The following CDC16 variants were observed in gnomAD, a reference collection of about 807,000 sequenced individuals.
CDC16 encodes the protein cell division cycle 16.
CDC16 carries 34 observed loss-of-function variants against 87.0 expected under a neutral mutation model. The ratio of observed to expected loss-of-function variants is 0.39; its 90% confidence interval spans 0.30 to 0.52. CDC16 has a LOEUF of 0.52. Ranked by LOEUF, CDC16 falls within the 20% of genes least tolerant of loss-of-function variation. The probability of loss-of-function intolerance (pLI) is 0.74; values close to 1 mark genes in which losing one functional copy is unlikely to be tolerated. For missense variants in CDC16, 653 were observed against 751.9 expected, an observed-to-expected ratio of 0.87 and a Z score of 1.54; for synonymous variants, 263 against 260.6, an observed-to-expected ratio of 1.01 and a Z score of -0.09.
At chr13:114,249,961 G>A (rs1235841238) in intron 11 of CDC16, among the ~76,000 whole-genome samples, 2 of 151,476 alleles carry the variant, frequency 1.3e-5, no homozygotes, top group African/African-American at 4.9e-5. Flanking sequence ...TTAATGTGGT[G>A]ACAGCTTGTT....
At chr13:114,241,165 G>A (rs1026845445) in intron 5 of CDC16, among the ~76,000 whole-genome samples, 1 of 152,126 alleles carries the variant, frequency 6.6e-6, no homozygotes, top group Non-Finnish European at 1.5e-5. Flanking sequence ...GCTGTTGAAC[G>A]CCTTACTATG....
At chr13:114,240,556 C>T (rs2081494946) in intron 5 of CDC16, among the ~76,000 whole-genome samples, 1 of 152,154 alleles carries the variant, frequency 6.6e-6, no homozygotes, top group African/African-American at 2.4e-5. Context: ...CAGGGTCTCA[C>T]TGTGTTGCCC....
At chr13:114,240,325 T>C (rs1482452669) in intron 5 of CDC16, among the ~76,000 whole-genome samples, 3 of 152,072 alleles carry the variant, frequency 2.0e-5, no homozygotes, top group Non-Finnish European at 4.4e-5. Context: ...TTCTCCCACC[T>C]CAGCCTCCCG....
intron 12 of CDC16, among the ~76,000 whole-genome samples, chr13:114,252,088 G>T (rs1165888179): frequency 6.8e-6 from 1 of 147,624 alleles, no homozygotes; most frequent in Non-Finnish European, 1.5e-5. Flanking sequence ...CACTAGCCCT[G>T]TTGGATAAGA....
chr13:114,270,024 C>T (rs1367702881), intron 17 of CDC16, among the ~76,000 whole-genome samples: 1 of 152,106 alleles, frequency 6.6e-6, no homozygotes, highest in Non-Finnish European at 1.5e-5. Flanking sequence ...AGATTTTTGA[C>T]AAAAATGTGA....
At chr13:114,271,552 G>A (rs1042284180) in intron 17 of CDC16, among the ~76,000 whole-genome samples, 1 of 151,874 alleles carries the variant, frequency 6.6e-6, no homozygotes, top group African/African-American at 2.4e-5. Flanking sequence ...TCGGCTCACT[G>A]CAAGCTCCAT....
rs146784098 is a variant in CDC16, at chr13:114,253,231, G to A, written c.1097+2557G>A. 2.9e-3 allele frequency among the ~76,000 whole-genome samples: 434 copies of A among 152,232 alleles called. 20 individuals are homozygous for A. In the South Asian group the frequency reaches 0.074, roughly 26 times the overall value. ...TTTGAAATTGGATGAATATTTTTACGTGTCCTTTATGATTTCTTTTTTGAG... is the reference window on the plus strand; with the variant it reads ...TTTGAAATTGGATGAATATTTTTACATGTCCTTTATGATTTCTTTTTTGAG... On this transcript the variant is annotated intron_variant, in intron 12 of 17. Coordinates refer to ENST00000356221, the MANE Select transcript of CDC16 (RefSeq NM_001078645.3).
At chr13:114,245,803 T>C (rs1403954414) in intron 9 of CDC16, 197 bp from the exon 10 acceptor site, 2 of 520,646 alleles carry the variant, frequency 3.8e-6, no homozygotes, top group Admixed American at 7.9e-5. Flanking sequence ...AGGGGGTGTC[T>C]GTTCCCACCT....
chr13:114,254,329 TA>T (rs1293222867), intron 12 of CDC16, among the ~76,000 whole-genome samples: 2 of 152,230 alleles, frequency 1.3e-5, no homozygotes, highest in Non-Finnish European at 2.9e-5. Flanking sequence ...TTGTGTTGAG[TA>T]AATATTTTAT....
intron 15 of CDC16, among the ~76,000 whole-genome samples, chr13:114,262,457 C>G (rs2082913906): frequency 6.6e-6 from 1 of 151,416 alleles, no homozygotes; most frequent in African/African-American, 2.5e-5. Flanking sequence ...GTCAAGTATT[C>G]CAGAGAACTT....
chr13:114,248,210 T>G (rs2081972625), intron 11 of CDC16, among the ~76,000 whole-genome samples: 1 of 152,220 alleles, frequency 6.6e-6, no homozygotes, highest in Admixed American at 6.5e-5. Flanking sequence ...ATTAATTACT[T>G]AAACTCTGTA....
chr13:114,267,151 G>A lies in CDC16; in HGVS notation c.1603+1911G>A, dbSNP rs117704345. ...TAAGAAACACACCTAAGAAACTGCA[G>A]TGAATCTACTCTGGATGAAAATTTA... On this transcript the variant is annotated intron_variant, in intron 17 of 17. Coordinates refer to ENST00000356221, the MANE Select transcript of CDC16 (RefSeq NM_001078645.3). 2.7e-3 allele frequency among the ~76,000 whole-genome samples: 406 copies of A among 152,260 alleles called. 2 individuals carry two copies. The highest frequency in any genetic ancestry group is 0.017 in the Middle Eastern group (5 of 294).
intron 11 of CDC16, 57 bp from the exon 12 acceptor site, chr13:114,250,492 A>C: frequency 6.1e-6 from 1 of 164,898 alleles, no homozygotes; most frequent in Non-Finnish European, 1.0e-5. Flanking sequence ...ACTTTGTCTC[A>C]AAAAAAAAAA....
chr13:114,249,136 A>G (rs1184586927), intron 11 of CDC16, among the ~76,000 whole-genome samples: 1 of 151,856 alleles, frequency 6.6e-6, no homozygotes, highest in Non-Finnish European at 1.5e-5. Context: ...AGATGGTCCC[A>G]TCTGGGAGAG....
chr13:114,246,106 A>G, intron 10 of CDC16, 57 bp downstream of exon 10: 1 of 778,578 alleles, frequency 1.3e-6, no homozygotes, highest in Non-Finnish European at 2.1e-6. Context: ...CTTTAAGAAA[A>G]TGCTTAACTC....
At chr13:114,267,876 G>T (rs529510278) in intron 17 of CDC16, among the ~76,000 whole-genome samples, 22 of 152,068 alleles carry the variant, frequency 1.4e-4, no homozygotes, top group African/African-American at 4.8e-4. Context: ...TCCAAGGAGA[G>T]CCTCAAGAAA....
chr13:114,236,106 G>A (rs1257845125), intron 1 of CDC16, among the ~76,000 whole-genome samples: 1 of 152,128 alleles, frequency 6.6e-6, no homozygotes, highest in Admixed American at 6.5e-5. Context: ...CCTCATTGTC[G>A]GCTCCTTCAT....
chr13:114,236,932 CT>C (rs762240243), intron 3 of CDC16, 36 bp downstream of exon 3: 29 of 1,387,898 alleles, frequency 2.1e-5, no homozygotes, highest in Non-Finnish European at 2.7e-5. Flanking sequence ...CTCTTCAGAG[CT>C]TTAAAAAAAA....
At chr13:114,255,386 T>C (rs2082431314) in intron 12 of CDC16, among the ~76,000 whole-genome samples, 1 of 152,194 alleles carries the variant, frequency 6.6e-6, no homozygotes, top group Non-Finnish European at 1.5e-5. Context: ...ACCCGCTTCC[T>C]ATTACACTGT....
Sources: gnomAD v4.1 joint callset for allele counts (sites outside exome capture counted in the v4.1 genomes callset) on GRCh38, gnomAD v4.1.1 for gene constraint, MANE v1.5 for transcripts, NCBI Gene and HGNC (gene_info 2026-07-23, HGNC 2026-07-21) for gene names.